Variants in CPNE2 observed in about 807,000 individuals in gnomAD.
The protein encoded by CPNE2 is copine-2.
CPNE2 carries 42 observed loss-of-function variants against 69.7 expected under a neutral mutation model. That is an observed-to-expected ratio of 0.60 (90% CI 0.47 to 0.78). The LOEUF (loss-of-function observed/expected upper bound fraction) is 0.78, where lower values mean the gene tolerates loss of function less well. Among genes scored for constraint, CPNE2 ranks in the 30% least tolerant of loss-of-function variants. The pLI, the probability that CPNE2 is intolerant of heterozygous loss-of-function variation, is 0.00. For synonymous variants in CPNE2, 294 were observed against 289.8 expected (o/e 1.01, Z -0.15); for missense variants, 587 against 732.0 (o/e 0.80, Z 2.29).
chr16:57,125,437 T>C, intron 10 of CPNE2: 1 of 445,400 alleles, frequency 2.2e-6, no homozygotes, highest in Non-Finnish European at 4.6e-6. Context: ...TCTGGGAAGG[T>C]TGCAGTGGAG....
chr16:57,113,066 C>T (rs780855139), intron 2 of CPNE2: 17 of 484,760 alleles, frequency 3.5e-5, no homozygotes, highest in Non-Finnish European at 5.9e-5. Context: ...TTTCAAATCT[C>T]GGCCCTGCTC....
intron 14 of CPNE2, chr16:57,144,429 G>A (rs1181356071): frequency 6.6e-6 from 1 of 152,314 alleles, no homozygotes; most frequent in Non-Finnish European, 1.5e-5. Context: ...AAGTGGCTTT[G>A]CTGGATATGA....
chr16:57,147,228 G>GA, intron 15 of CPNE2: 1 of 251,714 alleles, frequency 4.0e-6, no homozygotes, highest in East Asian at 7.3e-5. Flanking sequence ...TTCCCGCCAA[G>GA]AAGGTGCTCA....
At chr16:57,100,135 C>T (rs1039245615) in intron 1 of CPNE2, among the ~76,000 whole-genome samples, 2 of 151,906 alleles carry the variant, frequency 1.3e-5, no homozygotes. Context: ...GAACTCCTGA[C>T]CTCAAGTGAT....
chr16:57,116,003 T>C (rs2069716846), intron 4 of CPNE2, among the ~76,000 whole-genome samples: 1 of 152,198 alleles, frequency 6.6e-6, no homozygotes, highest in Admixed American at 6.5e-5. Flanking sequence ...GAGAGGAAGT[T>C]CCCTGGGGCA....
intron 1 of CPNE2, chr16:57,093,933 C>A (rs552152187): frequency 1.3e-4 from 53 of 411,190 alleles, no homozygotes; most frequent in African/African-American, 1.1e-3. Flanking sequence ...GGTCTGAACC[C>A]CACCTATGAC....
In CPNE2 at chr16:57,121,687, G is replaced by A; in HGVS notation, c.794G>A (p.Cys265Tyr). 6.2e-7 allele frequency: 1 copy of A among 1,614,144 alleles called. No individual in the cohort carries two copies. Among genetic ancestry groups the A allele is most frequent in the Non-Finnish European group, 8.5e-7 (1 of 1,180,020 alleles). The change falls in exon 9 of 16, where the codon TGC (cysteine) becomes TAC (tyrosine). Residue 265 changes from cysteine to tyrosine, a missense_variant. By Grantham distance (194) the Cys-to-Tyr change is radical. Coordinates refer to ENST00000290776, the MANE Select transcript of CPNE2 (RefSeq NM_152727.6). ...TGCGTTGCCCAGCTGGAGTTCGAGTGCATCAACCCCAAGAAGCAGAGGAAG... is the reference window on the plus strand; with the variant it reads ...TGCGTTGCCCAGCTGGAGTTCGAGTACATCAACCCCAAGAAGCAGAGGAAG... ...ARDSVPLEFE[C>Y]INPKKQRKKK... is the part of the protein sequence containing the mutation.
rs1597502149 is a variant in CPNE2 at position 57,130,572 on chromosome 16, C to T, written c.1116+2669C>T. On this transcript the variant is annotated intron_variant, in intron 12 of 15. Transcript: ENST00000290776. This position sits in a 1 kb window ranked among gnomAD's most constrained non-coding sequence, Gnocchi z 4.1. ...TGCTTTACCAGTTTCAACTAATTCTCACCAAAGCCAATGAGGTAGGCCCTG... is the reference window on the plus strand; with the variant it reads ...TGCTTTACCAGTTTCAACTAATTCTTACCAAAGCCAATGAGGTAGGCCCTG... 1.3e-5 allele frequency among the ~76,000 whole-genome samples: 2 copies of T among 151,998 alleles called. No individual in the cohort carries two copies. The highest frequency in any genetic ancestry group is 4.1e-4 in the South Asian group (2 of 4,826).
chr16:57,136,410 C>A (rs1291270577), intron 13 of CPNE2, among the ~76,000 whole-genome samples: 7 of 152,218 alleles, frequency 4.6e-5, no homozygotes, highest in Admixed American at 4.6e-4. Context: ...CAACCACGAA[C>A]AGAAGCCATA....
intron 7 of CPNE2, among the ~76,000 whole-genome samples, chr16:57,120,226 G>A (rs2069751441): frequency 6.6e-6 from 1 of 150,616 alleles, no homozygotes; most frequent in Non-Finnish European, 1.5e-5. Context: ...AGCCCAGATT[G>A]AGCCACTGCA....
At position 57,140,810 on chromosome 16, in the gene CPNE2, C is replaced by G. The variant is rs111379834; in HGVS notation, c.1302+3528C>G. ...GAACTTGTGACCTCAACTGATCTGCCCACCTCAGCCTCCCAAAGTGCTGGG... is the reference window on the plus strand; with the variant it reads ...GAACTTGTGACCTCAACTGATCTGCGCACCTCAGCCTCCCAAAGTGCTGGG... On this transcript the variant is annotated intron_variant, in intron 14 of 15. Transcript: ENST00000290776. 537 of 151,762 alleles carry G rather than the reference C, an allele frequency of 3.5e-3. 4 individuals carry two copies. The highest frequency in any genetic ancestry group is 0.013 in the African/African-American group (525 of 41,332). The allele number at this position is 151,762 out of a possible 1,614,324, so 9.4% of individuals were successfully genotyped here.
chr16:57,096,442 A>G (rs565851987), intron 1 of CPNE2, among the ~76,000 whole-genome samples: 2 of 152,288 alleles, frequency 1.3e-5, no homozygotes, highest in Non-Finnish European at 2.9e-5. Flanking sequence ...CTGTAATCCC[A>G]GTACTGAGGG....
intron 12 of CPNE2, among the ~76,000 whole-genome samples, chr16:57,132,530 C>G (rs2069844950): frequency 1.3e-5 from 2 of 152,190 alleles, no homozygotes; most frequent in Admixed American, 1.3e-4. Flanking sequence ...GAAGTAACTC[C>G]CTGACCTCAA....
In CPNE2 at chr16:57,121,288, CT is replaced by C. The variant is rs1305334957; in HGVS notation, c.780+99del. The C allele has an allele frequency of 4.1e-6, 4 of 976,264 alleles. No homozygotes were observed. The African/African-American group carries it at 4.9e-5, about 12-fold the overall frequency. The allele number at this position is 976,264 out of a possible 1,614,324, so 60.5% of individuals were successfully genotyped here. A position where few individuals can be genotyped will look rare whatever the true frequency, so the allele number is the denominator to read the frequency against. On this transcript the variant is annotated intron_variant, in intron 8 of 15. Transcript: ENST00000290776. ...CAGGCAGCCTGGGGCTGAGATCCCC[CT>C]TCTGGCTGCATGACCTTGAGCAAGG...
At position 57,135,744 on chromosome 16, in the gene CPNE2, C is replaced by A. The variant is rs768008260; in HGVS notation, c.1168+918C>A. ...CAAAAATTAGCCAGGCGTGGTGGTG[C>A]GCACCTGTAATCCCAGCTACTCAGG... is the stretch of plus-strand genomic sequence containing the variant. On this transcript the variant is annotated intron_variant, in intron 13 of 15. Coordinates refer to ENST00000290776, the MANE Select transcript of CPNE2 (RefSeq NM_152727.6). 2.7e-5 allele frequency among the ~76,000 whole-genome samples: 4 copies of A among 150,712 alleles called. No homozygotes were observed. In the East Asian group the frequency reaches 7.8e-4, roughly 29 times the overall value.
chr16:57,134,630 G>A (rs2069863682), intron 12 of CPNE2, 145 bp from the exon 13 acceptor site: 1 of 789,960 alleles, frequency 1.3e-6, no homozygotes, highest in African/African-American at 1.7e-5. Flanking sequence ...AGCAGATGTG[G>A]GGGGTATCAG....
At chr16:57,132,833 G>A (rs1356366089) in intron 12 of CPNE2, among the ~76,000 whole-genome samples, 1 of 152,148 alleles carries the variant, frequency 6.6e-6, no homozygotes, top group Non-Finnish European at 1.5e-5. Flanking sequence ...CTATGAAATG[G>A]AGTTGCTGGA....
Position 57,135,527 on chromosome 16 carries a change from C to T in CPNE2, c.1168+701C>T, listed in dbSNP as rs139709427. On this transcript the variant is annotated intron_variant, in intron 13 of 15. Transcript: ENST00000290776. ...CTACAAATTAAAAAAATTACCCAGG[C>T]ATGGTGGCATATGCCTGTGGTCCCA... Among the ~76,000 whole-genome samples, 484 of 151,980 alleles carry T rather than the reference C, an allele frequency of 3.2e-3. 2 individuals are homozygous for T. Among genetic ancestry groups the T allele is most frequent in the Non-Finnish European group, 6.2e-3 (424 of 67,966 alleles).
chr16:57,115,899 G>A (rs573835350), intron 4 of CPNE2, among the ~76,000 whole-genome samples: 37 of 152,362 alleles, frequency 2.4e-4, no homozygotes, highest in Admixed American at 1.2e-3. Context: ...CCCGCGATGC[G>A]CAGTAATTCC....
Sources: allele counts gnomAD v4.1 joint callset (sites outside exome capture counted in the v4.1 genomes callset), GRCh38; gene constraint gnomAD v4.1.1; non-coding constraint Gnocchi (gnomAD v3.1); transcripts MANE v1.5; gene names NCBI Gene and HGNC (gene_info 2026-07-23, HGNC 2026-07-21).